GAA: variants seen among roughly 807,000 people sequenced by gnomAD.
The protein encoded by GAA is alpha glucosidase, also known as lysosomal alpha-glucosidase.
A neutral mutation model predicts 103.9 loss-of-function variants in GAA; 88 were observed. The observed-to-expected ratio is 0.85, with a 90% CI of 0.71 to 1.01. GAA has a LOEUF of 1.01. Ranked by LOEUF, GAA falls within the 50% of genes least tolerant of loss-of-function variation. The pLI is 0.00. For synonymous variants in GAA, 572 were observed against 563.1 expected, an observed-to-expected ratio of 1.02 and a Z score of -0.22; for missense variants, 1,350 against 1,305.3, an observed-to-expected ratio of 1.03 and a Z score of -0.53.
Position 80,119,396 on chromosome 17 carries a change from C to T in GAA, c.*65C>T, listed in dbSNP as rs983747226. The T allele has an allele frequency of 9.1e-5, 127 of 1,391,704 alleles. 1 individual carries two copies. The highest frequency in any genetic ancestry group is 1.2e-4 in the Non-Finnish European group (117 of 978,426). The allele number at this position is 1,391,704 out of a possible 1,614,324, so 86.2% of individuals were successfully genotyped here. On this transcript the variant is annotated 3_prime_UTR_variant, in exon 20 of 20. Coordinates refer to ENST00000302262, the MANE Select transcript of GAA (RefSeq NM_000152.5). Reference sequence around the variant, plus strand: ...TCCCCAGGGAAGCAGAGCCTGTGTGCGGGCAGCAGCTGTGTGCGGGCCTGG... The same window carrying T: ...TCCCCAGGGAAGCAGAGCCTGTGTGTGGGCAGCAGCTGTGTGCGGGCCTGG...
At chr17:80,103,633 C>G (rs939848840) in intron 1 of GAA, among the ~76,000 whole-genome samples, 2 of 152,252 alleles carry the variant, frequency 1.3e-5, no homozygotes, top group East Asian at 1.9e-4. Flanking sequence ...AAGCGAACCC[C>G]CATATCTCAT....
At chr17:80,108,436 C>G in intron 6 of GAA, 27 bp downstream of exon 6, 1 of 1,613,198 alleles carries the variant, frequency 6.2e-7, no homozygotes, top group Non-Finnish European at 8.5e-7. Context: ...GGCCGCGGCC[C>G]CCGCCCCAAG....
chr17:80,105,194 C>G (rs2039052017), intron 2 of GAA, 62 bp downstream of exon 2: 1 of 1,468,844 alleles, frequency 6.8e-7, no homozygotes, highest in African/African-American at 1.4e-5. Flanking sequence ...CATCGACACC[C>G]ACGCACCTCA....
Position 80,105,867 on chromosome 17 carries a change from T to G in GAA, c.665T>G (p.Val222Gly), listed in dbSNP as rs1555599135. Residue 222 changes from valine (V) to glycine (G), a missense_variant, in exon 3 of 20, where the codon GTG (valine) becomes GGG (glycine). Val to Gly is a moderately radical substitution (Grantham distance 109). Coordinates refer to ENST00000302262, the MANE Select transcript of GAA (RefSeq NM_000152.5). ...EFSEEPFGVI[V>G]RRQLDGRVLL... Reference sequence around the variant, plus strand: ...TCCGAGGAGCCCTTCGGGGTGATCGTGCGCCGGCAGCTGGACGGCCGCGTG... The same window carrying G: ...TCCGAGGAGCCCTTCGGGGTGATCGGGCGCCGGCAGCTGGACGGCCGCGTG... The G allele has an allele frequency of 6.2e-7, 1 of 1,603,894 alleles. No homozygotes were observed. Among genetic ancestry groups the G allele is most frequent in the East Asian group, 2.2e-5 (1 of 44,808 alleles).
At position 80,110,820 on chromosome 17, in the gene GAA, C is replaced by T; in HGVS notation, c.1531C>T (p.Pro511Ser). Reference sequence around the variant, plus strand: ...GGTGGCTGAGTTCCATGACCAGGTGCCCTTCGACGGCATGTGGATTGTAAG... The same window carrying T: ...GGTGGCTGAGTTCCATGACCAGGTGTCCTTCGACGGCATGTGGATTGTAAG... ...DMVAEFHDQVPFDGMWIDMNE... is the reference protein window; with the variant it reads ...DMVAEFHDQVSFDGMWIDMNE... Residue 511 changes from proline (P) to serine (S), a missense_variant, in exon 10 of 20, where the codon CCC becomes TCC. Pro to Ser is a moderately conservative substitution (Grantham distance 74, BLOSUM62 -1). Coordinates refer to ENST00000302262, the MANE Select transcript of GAA (RefSeq NM_000152.5). 2 of 1,614,116 alleles carry T rather than the reference C, an allele frequency of 1.2e-6. No individual in the cohort carries two copies. The highest frequency in any genetic ancestry group is 1.7e-6 in the Non-Finnish European group (2 of 1,180,014).
intron 1 of GAA, among the ~76,000 whole-genome samples, chr17:80,103,368 C>T (rs569668005): frequency 2.0e-4 from 31 of 152,268 alleles, no homozygotes; most frequent in African/African-American, 7.0e-4. Context: ...CCTAGGACAC[C>T]TTCTTCCTCC....
chr17:80,113,325 C>G lies in GAA; in HGVS notation c.2148C>G (p.Ala716=), dbSNP rs750907936. 1.3e-6 allele frequency: 2 copies of G among 1,598,092 alleles called. No individual in the cohort carries two copies. Among genetic ancestry groups the G allele is most frequent in the Non-Finnish European group, 1.7e-6 (2 of 1,172,400 alleles). The part of the protein sequence containing the change: ...LPHLYTLFHQ[A]HVAGETVARP... ...ACCTCTACACACTGTTCCACCAGGC[C>G]CACGTCGCGGGGGAGACCGTGGCCC... The change falls in exon 15 of 20, where the codon GCC becomes GCG. Residue 716 remains alanine (A), a synonymous_variant. Transcript: ENST00000302262.
Position 80,113,344 on chromosome 17 carries a change from GTGGCCCGGCCCCTCTTCC to G in GAA, c.2171_2188del (p.Ala724_Leu729del). On this transcript the variant is annotated inframe_deletion, in exon 15 of 20. Transcript: ENST00000302262. ...CCAGGCCCACGTCGCGGGGGAGACC[GTGGCCCGGCCCCTCTTCC>G]TGGAGTGAGTGACCTAGGCAGGGGC... is the stretch of plus-strand genomic sequence containing the variant. The G allele has an allele frequency of 6.3e-7, 1 of 1,588,952 alleles. No individual in the cohort carries two copies. The highest frequency in any genetic ancestry group is 2.3e-5 in the East Asian group (1 of 43,712).
chr17:80,116,537 T>C (rs1045263487), intron 15 of GAA, among the ~76,000 whole-genome samples: 5 of 152,272 alleles, frequency 3.3e-5, no homozygotes, highest in Admixed American at 1.3e-4. Flanking sequence ...TACATTCATC[T>C]TTTTGTCAGA....
Position 80,110,938 on chromosome 17 carries a change from C to T in GAA, c.1552-3C>T, listed in dbSNP as rs375470378. On this transcript the variant is annotated splice_region_variant and splice_polypyrimidine_tract_variant and intron_variant, in intron 10 of 19. Transcript: ENST00000302262. ...TCACCTACCAGCAGCGCTTCTCTTGCAGGACATGAACGAGCCTTCCAACTT... is the reference window on the plus strand; with the variant it reads ...TCACCTACCAGCAGCGCTTCTCTTGTAGGACATGAACGAGCCTTCCAACTT... The T allele has an allele frequency of 2.5e-6, 4 of 1,613,958 alleles. No individual in the cohort carries two copies. Among genetic ancestry groups the T allele is most frequent in the Non-Finnish European group, 3.4e-6 (4 of 1,179,964 alleles).
In GAA at chr17:80,107,645, G is replaced by C. The variant is rs543360994; in HGVS notation, c.781G>C (p.Ala261Pro). ...GCCCTCGCAGTATATCACAGGCCTC[G>C]CCGAGCACCTCAGTCCCCTGATGCT... is the stretch of plus-strand genomic sequence containing the variant. ...SLPSQYITGL[A>P]EHLSPLMLST... Residue 261 changes from alanine to proline, a missense_variant, in exon 4 of 20, where the codon GCC (alanine) becomes CCC (proline). Coordinates refer to ENST00000302262, the MANE Select transcript of GAA (RefSeq NM_000152.5). 6.2e-7 allele frequency: 1 copy of C among 1,613,086 alleles called. No individual in the cohort carries two copies. The highest frequency in any genetic ancestry group is 1.1e-5 in the South Asian group (1 of 91,086).
intron 2 of GAA, 102 bp from the exon 3 acceptor site, chr17:80,105,647 A>G (rs970545667): frequency 6.5e-6 from 9 of 1,376,014 alleles, no homozygotes; most frequent in African/African-American, 1.4e-5. Flanking sequence ...TCCCACATCC[A>G]TGTGTGGCTG....
At chr17:80,118,383 G>T in intron 18 of GAA, 26 bp downstream of exon 18, 1 of 1,557,640 alleles carries the variant, frequency 6.4e-7, no homozygotes, top group African/African-American at 1.4e-5. Flanking sequence ...GCTCAGGCTG[G>T]TGGGCAGGGG....
chr17:80,117,722 C>T lies in GAA; in HGVS notation c.2454C>T (p.Leu818=). The change falls in exon 17 of 20, where the codon CTC becomes CTT. Residue 818 remains leucine, a synonymous_variant. Transcript: ENST00000302262. ...CCCTGGACACCATCAACGTCCACCT[C>T]CGGGCTGGGTACATCATCCCCCTGC... ...PAPLDTINVH[L]RAGYIIPLQG... 1 of 1,611,472 alleles carries T rather than the reference C, an allele frequency of 6.2e-7. No homozygotes were observed.
intron 13 of GAA, 69 bp from the exon 14 acceptor site, chr17:80,112,807 T>G (rs1184690765): frequency 6.3e-7 from 1 of 1,579,744 alleles, no homozygotes; most frequent in South Asian, 1.1e-5. Context: ...CAGGTGGGGC[T>G]CTGGGTCACT....
rs1337478548 is a variant in GAA at position 80,105,803 on chromosome 17, C to T, written c.601C>T (p.His201Tyr). 1.2e-6 allele frequency: 2 copies of T among 1,611,088 alleles called. No homozygotes were observed. The highest frequency in any genetic ancestry group is 2.2e-5 in the South Asian group (2 of 91,088). ...YEVPLETPHV[H>Y]SRAPSPLYSV... Reference sequence around the variant, plus strand: ...GGTGCCCTTGGAGACCCCGCATGTCCACAGCCGGGCACCGTCCCCACTCTA... The same window carrying T: ...GGTGCCCTTGGAGACCCCGCATGTCTACAGCCGGGCACCGTCCCCACTCTA... The change falls in exon 3 of 20, where the codon CAC becomes TAC. Residue 201 changes from histidine to tyrosine, a missense_variant. By Grantham distance (83) the His-to-Tyr change is moderately conservative. Transcript: ENST00000302262.
At position 80,107,796 on chromosome 17, in the gene GAA, C is replaced by G. The variant is rs749017942; in HGVS notation, c.859-4C>G. 2 of 1,611,200 alleles carry G rather than the reference C, an allele frequency of 1.2e-6. No individual in the cohort carries two copies. Among genetic ancestry groups the G allele is most frequent in the African/African-American group, 2.7e-5 (2 of 74,874 alleles). ...GCTGAAGCGCCGTCTCCTGCATGTC[C>G]CAGCCCGGTGCGAACCTCTACGGGT... On this transcript the variant is annotated splice_region_variant and splice_polypyrimidine_tract_variant and intron_variant, in intron 4 of 19. Coordinates refer to ENST00000302262, the MANE Select transcript of GAA (RefSeq NM_000152.5).
At position 80,112,939 on chromosome 17, in the gene GAA, G is replaced by T. The variant is rs939350425; in HGVS notation, c.1952G>T (p.Gly651Val). 1 of 1,610,642 alleles carries T rather than the reference G, an allele frequency of 6.2e-7. No individual in the cohort carries two copies. Among genetic ancestry groups the T allele is most frequent in the Non-Finnish European group, 8.5e-7 (1 of 1,179,006 alleles). Reference sequence around the variant, plus strand: ...GGGGCCGACGTCTGCGGCTTCCTGGGCAACACCTCAGAGGAGCTGTGTGTG... The same window carrying T: ...GGGGCCGACGTCTGCGGCTTCCTGGTCAACACCTCAGAGGAGCTGTGTGTG... ...LVGADVCGFL[G>V]NTSEELCVRW... is the part of the protein sequence containing the mutation. The change falls in exon 14 of 20, where the codon GGC (glycine) becomes GTC (valine). Residue 651 changes from glycine (G) to valine (V), a missense_variant. Transcript: ENST00000302262.
At chr17:80,107,519 T>C (rs1191812666) in intron 3 of GAA, 38 bp from the exon 4 acceptor site, 1 of 1,612,364 alleles carries the variant, frequency 6.2e-7, no homozygotes, top group Non-Finnish European at 8.5e-7. Context: ...GTGTGGCCCC[T>C]TGGGTGTGAG....
Sources: allele counts gnomAD v4.1 joint callset (sites outside exome capture counted in the v4.1 genomes callset), GRCh38; gene constraint gnomAD v4.1.1; transcripts MANE v1.5; gene names NCBI Gene and HGNC (gene_info 2026-07-23, HGNC 2026-07-21).